CCDC7: variants seen among roughly 807,000 people sequenced by gnomAD.
CCDC7 encodes the protein coiled-coil domain-containing protein 7.
Under a neutral mutation model 196.9 loss-of-function variants are expected in CCDC7, and 183 were observed. The observed-to-expected ratio is 0.93, with a 90% CI of 0.82 to 1.05. CCDC7 has a LOEUF of 1.05. CCDC7 is among the 50% of genes least tolerant of loss of function. CCDC7 has a pLI of 0.00. For missense variants in CCDC7, 1,540 were observed against 1,482.2 expected (o/e 1.04, Z -0.64); for synonymous variants, 525 against 484.6 (o/e 1.08, Z -1.10).
exon 1 of CCDC7, chr10:32,446,176 G>T (rs1296652841): frequency 1.3e-5 from 2 of 152,168 alleles, no homozygotes; most frequent in Non-Finnish European, 2.9e-5. Flanking sequence ...GGTGCCCGGC[G>T]GTCTTTGCTG....
intron 28 of CCDC7, among the ~76,000 whole-genome samples, chr10:32,735,397 T>C (rs548819148): frequency 1.3e-5 from 2 of 152,302 alleles, no homozygotes; most frequent in East Asian, 3.9e-4. Flanking sequence ...TTCTGATAGG[T>C]TTGTAGTGGC....
chr10:32,853,311 T>C (rs2093632622), intron 40 of CCDC7, among the ~76,000 whole-genome samples: 1 of 152,150 alleles, frequency 6.6e-6, no homozygotes, highest in South Asian at 2.1e-4. Flanking sequence ...TACAGAGGAA[T>C]AATAATGGTC....
At chr10:32,660,158 G>A (rs1485022065) in intron 20 of CCDC7, among the ~76,000 whole-genome samples, 1 of 148,868 alleles carries the variant, frequency 6.7e-6, no homozygotes, top group African/African-American at 2.5e-5. Context: ...AAGTTTTAGG[G>A]TACATGTGCA....
chr10:32,602,283 G>A (rs532727249), intron 18 of CCDC7, among the ~76,000 whole-genome samples: 37 of 151,104 alleles, frequency 2.4e-4, no homozygotes, highest in Non-Finnish European at 4.6e-4. Context: ...AAGAAACTCC[G>A]GACACATCTG....
upstream of CCDC7, among the ~76,000 whole-genome samples, chr10:32,447,172 G>A (rs1342993200): frequency 6.6e-6 from 1 of 152,014 alleles, no homozygotes; most frequent in Non-Finnish European, 1.5e-5. Context: ...TGAACGGTAA[G>A]TCAGATATTT....
At chr10:32,492,784 G>C (rs142435395) in intron 9 of CCDC7, among the ~76,000 whole-genome samples, 1 of 151,948 alleles carries the variant, frequency 6.6e-6, no homozygotes, top group Non-Finnish European at 1.5e-5. Flanking sequence ...GTAAAGTTAC[G>C]TAACACTGCT....
At chr10:32,655,302 G>GT (rs1375617238) in intron 20 of CCDC7, among the ~76,000 whole-genome samples, 2 of 152,114 alleles carry the variant, frequency 1.3e-5, no homozygotes, top group African/African-American at 4.8e-5. Context: ...ATTAGAAAAT[G>GT]TATTTGTTCT....
chr10:32,471,027 G>T (rs749954092), intron 5 of CCDC7, 37 bp from the exon 7 acceptor site: 1 of 1,511,510 alleles, frequency 6.6e-7, no homozygotes, highest in African/African-American at 1.4e-5. Context: ...AACAAAATGG[G>T]TATTTACTAA....
intron 28 of CCDC7, among the ~76,000 whole-genome samples, chr10:32,762,003 C>G (rs1164082822): frequency 6.6e-6 from 1 of 151,948 alleles, no homozygotes; most frequent in African/African-American, 2.4e-5. Flanking sequence ...TGAGCGACTC[C>G]TACACATTGG....
At chr10:32,614,234 GT>G (rs549179408) in intron 18 of CCDC7, among the ~76,000 whole-genome samples, 5 of 143,102 alleles carry the variant, frequency 3.5e-5, no homozygotes, top group Non-Finnish European at 3.1e-5. Context: ...GCAACCCCTG[GT>G]TTTTTTTTTC....
chr10:32,802,636 C>T (rs2085038180), intron 29 of CCDC7, among the ~76,000 whole-genome samples: 1 of 152,142 alleles, frequency 6.6e-6, no homozygotes. Flanking sequence ...TGAGGTTCCT[C>T]AGTAGGCCAT....
At chr10:32,631,801 A>G (rs994715331) in intron 18 of CCDC7, among the ~76,000 whole-genome samples, 5 of 152,026 alleles carry the variant, frequency 3.3e-5, no homozygotes, top group African/African-American at 1.2e-4. Context: ...CTCATTTATC[A>G]TATATTCTTC....
rs1173300067 is a variant in CCDC7, at chr10:32,451,766, AAATT to A, written c.129_132del (p.Leu43PhefsTer10). The A allele has an allele frequency of 6.2e-7, 1 of 1,614,100 alleles. No individual in the cohort carries two copies. The highest frequency in any genetic ancestry group is 1.3e-5 in the African/African-American group (1 of 74,942). ...TGAGCTAAAGGAAAAACATAATGCA[AAATT>A]AATTCATGATAAAATTGAACCAATG... is the stretch of plus-strand genomic sequence containing the variant. On this transcript the variant is annotated frameshift_variant, in exon 1 of 42. Transcript: ENST00000639629. LOFTEE classifies it high-confidence loss of function.
chr10:32,785,899 G>C (rs2081784318), intron 29 of CCDC7, among the ~76,000 whole-genome samples: 1 of 152,070 alleles, frequency 6.6e-6, no homozygotes, highest in Non-Finnish European at 1.5e-5. Context: ...CAGGGAGCTA[G>C]TCTTCGAGCT....
At chr10:32,651,181 C>T (rs2068693067) in intron 20 of CCDC7, among the ~76,000 whole-genome samples, 1 of 152,148 alleles carries the variant, frequency 6.6e-6, no homozygotes, top group African/African-American at 2.4e-5. Context: ...GGAGTGAGTT[C>T]CCCTGCAACT....
At chr10:32,734,866 C>G (rs1039910120) in intron 28 of CCDC7, among the ~76,000 whole-genome samples, 1 of 151,510 alleles carries the variant, frequency 6.6e-6, no homozygotes, top group Non-Finnish European at 1.5e-5. Context: ...CCACTGCGCT[C>G]CAGCCTGGGT....
chr10:32,552,627 C>G (rs2136345435), intron 13 of CCDC7, among the ~76,000 whole-genome samples: 1 of 152,264 alleles, frequency 6.6e-6, no homozygotes, highest in Non-Finnish European at 1.5e-5. Context: ...ATGGCGAATT[C>G]TCTCACCATT....
chr10:32,866,776 G>C (rs1403167628), intron 41 of CCDC7, among the ~76,000 whole-genome samples: 1 of 151,534 alleles, frequency 6.6e-6, no homozygotes, highest in Non-Finnish European at 1.5e-5. Context: ...TAATGGGTGA[G>C]TTTATGGGAA....
intron 13 of CCDC7, among the ~76,000 whole-genome samples, chr10:32,558,253 T>C (rs1178073933): frequency 6.6e-6 from 1 of 152,170 alleles, no homozygotes; most frequent in East Asian, 1.9e-4. Flanking sequence ...CTAGATTGTG[T>C]TATATTCTTC....
Sources: allele counts gnomAD v4.1 joint callset (sites outside exome capture counted in the v4.1 genomes callset), GRCh38; gene constraint gnomAD v4.1.1; transcripts MANE v1.5; gene names NCBI Gene and HGNC (gene_info 2026-07-23, HGNC 2026-07-21).